Variants in TSBP1 observed in about 807,000 individuals in gnomAD.
The protein encoded by TSBP1 is testis-expressed basic protein 1.
TSBP1 carries 56 observed loss-of-function variants against 68.8 expected under a neutral mutation model. The ratio of observed to expected loss-of-function variants is 0.81; its 90% CI spans 0.66 to 1.02. The LOEUF is 1.02. Among genes scored for constraint, TSBP1 ranks in the 50% least tolerant of loss-of-function variants. The pLI is 0.00. For missense variants in TSBP1, 502 were observed against 641.2 expected (o/e 0.78, Z 2.34); for synonymous variants, 171 against 208.7 (o/e 0.82, Z 1.56).
chr6:32,294,075 AT>A (rs1169897640), intron 22 of TSBP1, 40 bp from the exon 26 acceptor site: 1 of 1,592,866 alleles, frequency 6.3e-7, no homozygotes, highest in Non-Finnish European at 8.5e-7. Flanking sequence ...GATATCAAGT[AT>A]TTTCTCTTTA....
chr6:32,368,718 T>A (rs3129938), intron 3 of TSBP1, 64 bp downstream of exon 3: 1,232,424 of 1,468,240 alleles, frequency 0.84, 519,245 homozygotes, highest in East Asian at 0.95. Context: ...GACAGATTTC[T>A]TTCCTGACTT....
At position 32,321,828 on chromosome 6, in the gene TSBP1, T is replaced by C. The variant is rs1173156329; in HGVS notation, c.559+1289A>G. 3.3e-5 allele frequency among the ~76,000 whole-genome samples: 5 copies of C among 152,232 alleles called. No homozygotes were observed. Among genetic ancestry groups the C allele is most frequent in the Non-Finnish European group, 7.3e-5 (5 of 68,042 alleles). ...TTGCAATCTGTTAGAGTAACCCAGA[T>C]GTCTGTCATGTTTAAAACTTGGAAA... is the stretch of plus-strand genomic sequence containing the variant. On this transcript the variant is annotated intron_variant, in intron 18 of 22. Transcript: ENST00000612031. This position sits in a 1 kb window ranked among gnomAD's most constrained non-coding sequence, Gnocchi z 4.3.
chr6:32,349,549 C>A, intron 9 of TSBP1, 191 bp downstream of exon 9: 1 of 559,452 alleles, frequency 1.8e-6, no homozygotes, highest in Non-Finnish European at 3.1e-6. Flanking sequence ...CATAATAAAC[C>A]ACTAGAAACT....
At chr6:32,353,283 A>G (rs1771908638) in intron 8 of TSBP1, among the ~76,000 whole-genome samples, 1 of 152,030 alleles carries the variant, frequency 6.6e-6, no homozygotes, top group African/African-American at 2.4e-5. Flanking sequence ...TATACAACAT[A>G]TAACTTATAT....
At chr6:32,356,281 C>T (rs1284145337) in intron 6 of TSBP1, among the ~76,000 whole-genome samples, 2 of 151,874 alleles carry the variant, frequency 1.3e-5, no homozygotes, top group African/African-American at 2.4e-5. Context: ...TAAAGATATA[C>T]TCAGAAATGT....
intron 14 of TSBP1, among the ~76,000 whole-genome samples, chr6:32,334,992 C>T (rs2127603797): frequency 6.6e-6 from 1 of 152,122 alleles, no homozygotes; most frequent in South Asian, 2.1e-4. Context: ...GGAGATCATG[C>T]CACTGCACTC....
At chr6:32,300,268 T>C (rs1414108519) in intron 21 of TSBP1, among the ~76,000 whole-genome samples, 1 of 152,240 alleles carries the variant, frequency 6.6e-6, no homozygotes, top group Non-Finnish European at 1.5e-5. Flanking sequence ...TTTTGCTCAC[T>C]GTTCTGGTCC....
chr6:32,344,057 T>C (rs74223626), intron 9 of TSBP1, among the ~76,000 whole-genome samples: 6,340 of 152,070 alleles, frequency 0.042, 238 homozygotes, highest in South Asian at 0.11. Flanking sequence ...TTGATAATTC[T>C]CACCATCTTT....
chr6:32,326,308 T>C, intron 16 of TSBP1: 1 of 657,822 alleles, frequency 1.5e-6, no homozygotes, highest in Non-Finnish European at 2.7e-6. Context: ...AGACATGTTT[T>C]AGACAAATAC....
chr6:32,354,999 T>C, intron 8 of TSBP1, 125 bp downstream of exon 8: 1 of 683,518 alleles, frequency 1.5e-6, no homozygotes, highest in East Asian at 2.7e-5. Flanking sequence ...TAAGGTGTGA[T>C]ATACAAGTGT....
chr6:32,294,946 G>A (rs1431418741), intron 22 of TSBP1, among the ~76,000 whole-genome samples: 1 of 152,086 alleles, frequency 6.6e-6, no homozygotes, highest in African/African-American at 2.4e-5. Flanking sequence ...GGAATTGTGT[G>A]GGTTCTTGCC....
chr6:32,310,631 A>G (rs773892114), intron 19 of TSBP1, among the ~76,000 whole-genome samples: 1 of 150,296 alleles, frequency 6.7e-6, no homozygotes, highest in Admixed American at 6.6e-5. Context: ...TAGAATTTAT[A>G]TATTATCTAA....
rs1765402166 is a variant in TSBP1 at position 32,302,432 on chromosome 6, T to C, written c.601+177A>G. Among the ~76,000 whole-genome samples the C allele has an allele frequency of 6.6e-6, 1 of 151,990 alleles. No individual in the cohort carries two copies. The highest frequency in any genetic ancestry group is 2.1e-4 in the South Asian group (1 of 4,822). ...TCACACCACTGCACTCCAGGCTAGG[T>C]GACAGAGCAAGACCCTGTCTCAGAA... On this transcript the variant is annotated intron_variant, in intron 20 of 22. Coordinates refer to ENST00000612031, the Ensembl canonical transcript of TSBP1. This position sits in a 1 kb window ranked among gnomAD's most constrained non-coding sequence, Gnocchi z 5.1.
At chr6:32,358,802 T>A (rs1312398948) in intron 6 of TSBP1, among the ~76,000 whole-genome samples, 1 of 152,154 alleles carries the variant, frequency 6.6e-6, no homozygotes, top group South Asian at 2.1e-4. Context: ...ATTTTCTTAA[T>A]CCGGTGTATC....
Position 32,316,422 on chromosome 6 carries a change from A to T in TSBP1, c.560-630T>A. 1 of 1,553,542 alleles carries T rather than the reference A, an allele frequency of 6.4e-7. No individual in the cohort carries two copies. Among genetic ancestry groups the T allele is most frequent in the African/African-American group, 1.4e-5 (1 of 73,276 alleles). ...TAGGTGCTGCCAGCTGACCTAAAAAAATTAGATATCAGTGAAGATTTGTTT... is the reference window on the plus strand; with the variant it reads ...TAGGTGCTGCCAGCTGACCTAAAAATATTAGATATCAGTGAAGATTTGTTT... On this transcript the variant is annotated intron_variant, in intron 18 of 22. Coordinates refer to ENST00000612031, the Ensembl canonical transcript of TSBP1. This position sits in a 1 kb window ranked among gnomAD's most constrained non-coding sequence, Gnocchi z 4.5.
chr6:32,362,288 C>CAA (rs9257083), intron 6 of TSBP1, among the ~76,000 whole-genome samples: 17,246 of 101,092 alleles, frequency 0.17, 1,917 homozygotes, highest in East Asian at 0.35. Flanking sequence ...GACTCCGTCT[C>CAA]AAAAAAAAAA....
At chr6:32,349,823 A>C in exon 9 of TSBP1, 6 of 1,585,904 alleles carry the variant, frequency 3.8e-6, no homozygotes, top group Non-Finnish European at 4.3e-6. Context: ...CTTAGATGCC[A>C]TAGACACTAT....
At chr6:32,369,373 A>ATGTTTTTTTTTTTTTT (rs1774130194) in intron 2 of TSBP1, among the ~76,000 whole-genome samples, 1 of 127,018 alleles carries the variant, frequency 7.9e-6, no homozygotes, top group African/African-American at 2.9e-5. Context: ...AAACTCTGTG[A>ATGTTTTTTTTTTTTTT]TTTTTTTTTT....
In TSBP1 at chr6:32,333,001, TG is replaced by T. The variant is rs1336361779; in HGVS notation, c.473-948del. Among the ~76,000 whole-genome samples, 4 of 151,810 alleles carry T rather than the reference TG, an allele frequency of 2.6e-5. No homozygotes were observed. The highest frequency in any genetic ancestry group is 2.1e-4 in the South Asian group (1 of 4,798). On this transcript the variant is annotated intron_variant, in intron 14 of 22. Transcript: ENST00000612031. The surrounding 1 kb of genome is among the most constrained non-coding windows in gnomAD (Gnocchi z 4.2). ...CCTGATAAATATCGAAAGCCTGTTA[TG>T]TTTTTTTTGTTGTTGTTTTTTTTTT... is the stretch of plus-strand genomic sequence containing the variant.
Sources: gnomAD v4.1 joint callset for allele counts (sites outside exome capture counted in the v4.1 genomes callset) on GRCh38, gnomAD v4.1.1 for gene constraint, Gnocchi (gnomAD v3.1) non-coding constraint, MANE v1.5 for transcripts, NCBI Gene and HGNC (gene_info 2026-07-23, HGNC 2026-07-21) for gene names.